Variants in CA8 observed in about 807,000 individuals in gnomAD.
CA8 encodes the protein carbonic anhydrase-related protein.
In CA8, 22 loss-of-function variants were observed where a neutral mutation model predicts 41.4. The ratio of observed to expected loss-of-function variants is 0.53; its 90% confidence interval spans 0.38 to 0.76. CA8 has a LOEUF of 0.76. Ranked by LOEUF, CA8 falls within the 30% of genes least tolerant of loss-of-function variation. The pLI, the probability that CA8 is intolerant of heterozygous loss-of-function variation, is 0.00. For synonymous variants in CA8, 121 were observed against 130.6 expected (o/e 0.93, Z 0.50); for missense variants, 270 against 352.8 (o/e 0.77, Z 1.88).
chr8:60,214,911 T>A (rs11994656), intron 7 of CA8, among the ~76,000 whole-genome samples: 1 of 151,698 alleles, frequency 6.6e-6, no homozygotes, highest in Non-Finnish European at 1.5e-5. Flanking sequence ...TTATTTTAAG[T>A]TGAAAGAGAC....
intron 3 of CA8, among the ~76,000 whole-genome samples, chr8:60,259,749 T>C (rs2130576262): frequency 6.6e-6 from 1 of 151,994 alleles, no homozygotes; most frequent in African/African-American, 2.4e-5. Context: ...GCTTTTTTTT[T>C]TTTTTGCCAA....
At chr8:60,251,397 T>C (rs1408441090) in intron 3 of CA8, among the ~76,000 whole-genome samples, 1 of 152,232 alleles carries the variant, frequency 6.6e-6, no homozygotes, top group Non-Finnish European at 1.5e-5. Flanking sequence ...AACTTTCAAA[T>C]ATAAAATTCC....
chr8:60,239,691 T>C (rs748745425), intron 3 of CA8, among the ~76,000 whole-genome samples: 1 of 152,176 alleles, frequency 6.6e-6, no homozygotes, highest in Non-Finnish European at 1.5e-5. Context: ...CCAAATCTCA[T>C]CTTGAATTGT....
intron 3 of CA8, among the ~76,000 whole-genome samples, chr8:60,263,273 G>C (rs1374297907): frequency 6.7e-6 from 1 of 148,980 alleles, no homozygotes; most frequent in African/African-American, 2.5e-5. Context: ...AGAGAGCCGA[G>C]ACTGTGCCAC....
At chr8:60,258,271 CTGTTT>C (rs1338741805) in intron 3 of CA8, among the ~76,000 whole-genome samples, 1 of 152,152 alleles carries the variant, frequency 6.6e-6, no homozygotes, top group African/African-American at 2.4e-5. Context: ...TATAATTGTT[CTGTTT>C]TAGTATTGGT....
At chr8:60,235,388 A>AC (rs1807794630) in intron 3 of CA8, among the ~76,000 whole-genome samples, 1 of 152,178 alleles carries the variant, frequency 6.6e-6, no homozygotes, top group Admixed American at 6.5e-5. Context: ...TATCTCTGTG[A>AC]TGACCCTATG....
intron 3 of CA8, among the ~76,000 whole-genome samples, chr8:60,237,997 T>C (rs764115602): frequency 5.3e-5 from 8 of 152,238 alleles, no homozygotes; most frequent in Non-Finnish European, 1.2e-4. Context: ...TGCATCCTTT[T>C]ACAGCTTCAG....
intron 3 of CA8, among the ~76,000 whole-genome samples, chr8:60,253,141 G>A (rs1442015225): frequency 6.6e-6 from 1 of 152,142 alleles, no homozygotes; most frequent in Non-Finnish European, 1.5e-5. Flanking sequence ...AGACTGAGGT[G>A]GGAGGATGGC....
chr8:60,187,373 A>G lies in CA8; in HGVS notation c.*2648T>C, dbSNP rs1274820157. ...AACTGTTAATGCCTTTATTCAAAAA[A>G]GAATTCAAATCAATAACCTAACCTT... On this transcript the variant is annotated 3_prime_UTR_variant, in exon 9 of 9. Coordinates refer to ENST00000317995, the MANE Select transcript of CA8 (RefSeq NM_004056.6). The G allele has an allele frequency of 6.6e-6, 1 of 152,126 alleles. No homozygotes were observed. The highest frequency in any genetic ancestry group is 2.4e-5 in the African/African-American group (1 of 41,454). 9.4% of individuals were successfully genotyped at this position (152,126 alleles called of 1,614,324 possible).
chr8:60,255,328 T>C (rs10957124), intron 3 of CA8, among the ~76,000 whole-genome samples: 41,040 of 150,002 alleles, frequency 0.27, 6,851 homozygotes, highest in Non-Finnish European at 0.38. Flanking sequence ...TCCAGTATCG[T>C]TCTGGCCACA....
At chr8:60,276,829 C>T (rs1304248031) in intron 2 of CA8, among the ~76,000 whole-genome samples, 1 of 152,134 alleles carries the variant, frequency 6.6e-6, no homozygotes, top group Admixed American at 6.5e-5. Context: ...AATAAGAAAA[C>T]TGGCCTCGTC....
At chr8:60,213,490 G>T (rs955548582) in intron 7 of CA8, among the ~76,000 whole-genome samples, 7 of 152,228 alleles carry the variant, frequency 4.6e-5, no homozygotes, top group Non-Finnish European at 7.3e-5. Flanking sequence ...GGAAGAAAGA[G>T]TCTCCCCAGA....
At chr8:60,193,090 G>A in intron 8 of CA8, among the ~76,000 whole-genome samples, 1 of 151,994 alleles carries the variant, frequency 6.6e-6, no homozygotes, top group Non-Finnish European at 1.5e-5. Flanking sequence ...TGATGTAAAA[G>A]TATTCAGAGG....
chr8:60,265,598 G>A (rs957682114), intron 3 of CA8: 29 of 309,378 alleles, frequency 9.4e-5, no homozygotes, highest in African/African-American at 5.7e-4. Flanking sequence ...TCTTCAGCTC[G>A]TCACCTATCC....
intron 8 of CA8, among the ~76,000 whole-genome samples, chr8:60,207,815 GTGTGATCTCAGCTGAC>G (rs1806683845): frequency 6.6e-6 from 1 of 152,182 alleles, no homozygotes; most frequent in Non-Finnish European, 1.5e-5. Context: ...GAGAACAGTG[GTGTGATCTCAGCTGAC>G]TGCGGCCTCC....
At chr8:60,201,689 A>C (rs1271939203) in intron 8 of CA8, among the ~76,000 whole-genome samples, 1 of 152,226 alleles carries the variant, frequency 6.6e-6, no homozygotes, top group African/African-American at 2.4e-5. Context: ...TCATACTTTC[A>C]TAATTTCCAA....
rs1368083301 is a variant in CA8, at chr8:60,186,134, CTA to C, written c.*3885_*3886del. Among the ~76,000 whole-genome samples the C allele has an allele frequency of 2.0e-5, 3 of 151,928 alleles. No individual in the cohort carries two copies. Among genetic ancestry groups the C allele is most frequent in the Non-Finnish European group, 4.4e-5 (3 of 67,922 alleles). ...AATTAAAAGCTTACTAGAAGAAACT[CTA>C]TAAATATAATTTGTTCTCAAGTCTC... On this transcript the variant is annotated 3_prime_UTR_variant, in exon 9 of 9. Coordinates refer to ENST00000317995, the MANE Select transcript of CA8 (RefSeq NM_004056.6).
Position 60,281,209 on chromosome 8 carries a change from G to A in CA8, c.-62C>T. 1 of 1,223,782 alleles carries A rather than the reference G, an allele frequency of 8.2e-7. No individual in the cohort carries two copies. The highest frequency in any genetic ancestry group is 1.2e-6 in the Non-Finnish European group (1 of 860,256). 75.8% of individuals were successfully genotyped at this position (1,223,782 alleles called of 1,614,324 possible). ...AGTGCCTGCGCCTTCGCTGGGCGCG[G>A]GGCTGGAGCCGGAGCGGAGCGCGCG... On this transcript the variant is annotated 5_prime_UTR_variant, in exon 1 of 9. Coordinates refer to ENST00000317995, the MANE Select transcript of CA8 (RefSeq NM_004056.6).
At chr8:60,220,125 A>G (rs1424029685) in intron 7 of CA8, among the ~76,000 whole-genome samples, 1 of 152,108 alleles carries the variant, frequency 6.6e-6, no homozygotes, top group Non-Finnish European at 1.5e-5. Context: ...TGGCGATTAT[A>G]GCTCTTGTTC....
Sources: allele counts gnomAD v4.1 joint callset (sites outside exome capture counted in the v4.1 genomes callset), GRCh38; gene constraint gnomAD v4.1.1; transcripts MANE v1.5; gene names NCBI Gene and HGNC (gene_info 2026-07-23, HGNC 2026-07-21).